Variants in UPF2 observed in about 807,000 individuals in gnomAD.
The protein encoded by UPF2 is UPF2 regulator of nonsense mediated mRNA decay, also known as regulator of nonsense transcripts 2.
UPF2 carries 17 observed loss-of-function variants against 141.4 expected under a neutral mutation model. That is an observed-to-expected ratio of 0.12 (90% confidence interval 0.08 to 0.18). UPF2 has a LOEUF of 0.18. Ranked by LOEUF, UPF2 falls within the 10% of genes least tolerant of loss-of-function variation. The probability of loss-of-function intolerance (pLI) is 1.00; values close to 1 mark genes in which losing one functional copy is unlikely to be tolerated. For missense variants in UPF2, 1,152 were observed against 1,515.9 expected, an observed-to-expected ratio of 0.76 and a Z score of 3.99; for synonymous variants, 540 against 498.0, an observed-to-expected ratio of 1.08 and a Z score of -1.12.
At chr10:12,035,976 T>C (rs183669903) in intron 1 of UPF2, 125 of 152,376 alleles carry the variant, frequency 8.2e-4, no homozygotes, top group Non-Finnish European at 1.4e-3. Context: ...CGAATCTCAC[T>C]TCATTGCTCT....
At chr10:11,927,047 G>A (rs891553388) in intron 21 of UPF2, among the ~76,000 whole-genome samples, 1 of 152,176 alleles carries the variant, frequency 6.6e-6, no homozygotes, top group South Asian at 2.1e-4. Context: ...ACAGACAAAT[G>A]AAGAGGGTGG....
At chr10:11,978,461 C>G (rs1240362107) in intron 9 of UPF2, among the ~76,000 whole-genome samples, 4 of 152,066 alleles carry the variant, frequency 2.6e-5, no homozygotes, top group Admixed American at 6.6e-5. Flanking sequence ...GTTGGGAGAA[C>G]CACTAACACA....
At chr10:11,927,530 A>C (rs147027315) in intron 21 of UPF2, among the ~76,000 whole-genome samples, 2 of 152,356 alleles carry the variant, frequency 1.3e-5, no homozygotes, top group East Asian at 3.9e-4. Context: ...CTACTCTAAG[A>C]AAATGCAAAA....
intron 15 of UPF2, among the ~76,000 whole-genome samples, chr10:11,949,484 A>G (rs1004316096): frequency 1.3e-5 from 2 of 152,242 alleles, no homozygotes; most frequent in Admixed American, 1.3e-4. Flanking sequence ...GAGAACTTAC[A>G]GCATCTTACA....
chr10:12,028,782 C>T lies in UPF2; in HGVS notation c.1108G>A (p.Asp370Asn), dbSNP rs1200457479. The T allele has an allele frequency of 6.2e-7, 1 of 1,611,228 alleles. No individual in the cohort carries two copies. Among genetic ancestry groups the T allele is most frequent in the South Asian group, 1.1e-5 (1 of 90,498 alleles). ...FTSLTKHLKRDHRELQNTERQ... is the reference protein window; with the variant it reads ...FTSLTKHLKRNHRELQNTERQ... The stretch of plus-strand genomic sequence containing the variant: ...TCAGTATTCTGGAGCTCCCTGTGGT[C>T]CCTTTTCAGGTGTTTGGTCAAAGAC... Residue 370 changes from aspartate to asparagine, a missense_variant, in exon 3 of 22, where the codon GAC becomes AAC. By Grantham distance (23) the Asp-to-Asn change is conservative (BLOSUM62 1). This residue lies in a region of UPF2 where 739 missense variants were observed against 1,032.2 expected (regional missense o/e 0.72). Coordinates refer to ENST00000357604, the MANE Select transcript of UPF2 (RefSeq NM_015542.4).
intron 2 of UPF2, 135 bp from the exon 3 acceptor site, chr10:12,029,659 T>G: frequency 2.0e-6 from 2 of 1,004,236 alleles, no homozygotes; most frequent in Non-Finnish European, 2.8e-6. Context: ...GGCCTTTCAC[T>G]ACTTTTAAAG....
chr10:12,024,347 C>T (rs564868708), intron 3 of UPF2, among the ~76,000 whole-genome samples: 52 of 152,192 alleles, frequency 3.4e-4, no homozygotes, highest in African/African-American at 1.2e-3. Context: ...CAGTGGCTGA[C>T]GCCTATAATC....
Position 12,035,011 on chromosome 10 carries a change from C to T in UPF2, c.365+48G>A, listed in dbSNP as rs538151072. The T allele has an allele frequency of 2.7e-6, 4 of 1,507,558 alleles. No individual in the cohort carries two copies. The East Asian group carries it at 6.9e-5, about 26-fold the overall frequency. 93.4% of individuals were successfully genotyped at this position (1,507,558 alleles called of 1,614,324 possible). ...AATAATGTTTTTTTCCCAAAATATT[C>T]CAATCTTCCCATTCCCTCACATCAA... On this transcript the variant is annotated intron_variant, in intron 2 of 21. Transcript: ENST00000357604.
At chr10:11,991,135 A>C (rs1833773300) in intron 8 of UPF2, among the ~76,000 whole-genome samples, 1 of 152,172 alleles carries the variant, frequency 6.6e-6, no homozygotes, top group African/African-American at 2.4e-5. Context: ...GAAAAGAACA[A>C]ATTCCTCAAA....
intron 18 of UPF2, among the ~76,000 whole-genome samples, chr10:11,937,766 A>G (rs1269198988): frequency 1.3e-5 from 2 of 152,128 alleles, no homozygotes; most frequent in Non-Finnish European, 2.9e-5. Context: ...TATAGGCTCC[A>G]TATATTCAAG....
At chr10:11,997,634 G>T in intron 8 of UPF2, 38 bp downstream of exon 8, 1 of 1,591,534 alleles carries the variant, frequency 6.3e-7, no homozygotes, top group Non-Finnish European at 8.6e-7. Flanking sequence ...GCACTACAGA[G>T]TAAAAACACT....
chr10:11,938,842 G>GTTTTTTTTTTTTTTTTTTTTTTTTTTT (rs1204744093), intron 18 of UPF2, among the ~76,000 whole-genome samples: 1 of 45,870 alleles, frequency 2.2e-5, no homozygotes, highest in Non-Finnish European at 5.0e-5. Flanking sequence ...TCTTAAGCAA[G>GTTTTTTTTTTTTTTTTTTTTTTTTTTT]TTTTTTTTTT....
At position 11,967,451 on chromosome 10, in the gene UPF2, G is replaced by T. The variant is rs776712679; in HGVS notation, c.1957C>A (p.Arg653=). The T allele has an allele frequency of 6.5e-6, 10 of 1,533,832 alleles. No individual in the cohort carries two copies. Among genetic ancestry groups the T allele is most frequent in the Non-Finnish European group, 8.8e-6 (10 of 1,139,924 alleles). The part of the protein sequence containing the change: ...MLRGDFRFHV[R]KKDQINIETK... ...TCAATATTGATCTGGTCCTTTTTCCGTACCTAAAAATTAAGAGAGAAAAGA... is the reference window on the plus strand; with the variant it reads ...TCAATATTGATCTGGTCCTTTTTCCTTACCTAAAAATTAAGAGAGAAAAGA... Residue 653 remains arginine (R), a synonymous_variant, in exon 10 of 22, where the codon CGG becomes AGG. Coordinates refer to ENST00000357604, the MANE Select transcript of UPF2 (RefSeq NM_015542.4).
chr10:12,012,329 TG>T (rs1834143021), intron 4 of UPF2, among the ~76,000 whole-genome samples: 1 of 152,062 alleles, frequency 6.6e-6, no homozygotes, highest in Non-Finnish European at 1.5e-5. Flanking sequence ...CCCAAAGTGC[TG>T]GGATTAGAGG....
intron 1 of UPF2, among the ~76,000 whole-genome samples, chr10:12,036,430 A>T (rs988583429): frequency 3.9e-5 from 6 of 152,216 alleles, no homozygotes; most frequent in Admixed American, 3.9e-4. Context: ...TTTGAAATTC[A>T]GTTCTTCAGT....
chr10:11,987,361 G>A (rs1194093226), intron 8 of UPF2, among the ~76,000 whole-genome samples: 2 of 152,152 alleles, frequency 1.3e-5, no homozygotes, highest in Admixed American at 6.5e-5. Flanking sequence ...AACACTTAAT[G>A]TGAAATCTCA....
rs370159609 is a variant in UPF2, at chr10:11,942,657, T to C, written c.3378+8A>G. The C allele has an allele frequency of 5.4e-5, 87 of 1,611,980 alleles. No homozygotes were observed. Among genetic ancestry groups the C allele is most frequent in the Non-Finnish European group, 6.6e-5 (78 of 1,178,550 alleles). ...AGAAGAGTCTTTGAAACAAATGACA[T>C]TTAATACCTGTAGATTTTCTAGCAT... On this transcript the variant is annotated splice_region_variant and intron_variant, in intron 18 of 21. Coordinates refer to ENST00000357604, the MANE Select transcript of UPF2 (RefSeq NM_015542.4).
At chr10:12,010,846 A>G (rs1291988657) in intron 4 of UPF2, among the ~76,000 whole-genome samples, 7 of 148,762 alleles carry the variant, frequency 4.7e-5, no homozygotes, top group Non-Finnish European at 1.1e-4. Flanking sequence ...AAAAAAATAT[A>G]GATTATATAA....
intron 2 of UPF2, among the ~76,000 whole-genome samples, chr10:12,032,532 G>C (rs1034197043): frequency 6.6e-6 from 1 of 151,670 alleles, no homozygotes; most frequent in Non-Finnish European, 1.5e-5. Flanking sequence ...GAGCTCAGGA[G>C]TTCAAGACCA....
Sources: allele counts gnomAD v4.1 joint callset (sites outside exome capture counted in the v4.1 genomes callset), GRCh38; gene constraint gnomAD v4.1.1; regional missense constraint gnomAD v4.1.1; transcripts MANE v1.5; gene names NCBI Gene and HGNC (gene_info 2026-07-23, HGNC 2026-07-21).